The following CACNA2D4 variants were observed in gnomAD, a reference collection of about 807,000 sequenced individuals.
The protein encoded by CACNA2D4 is voltage-dependent calcium channel subunit alpha-2/delta-4.
In CACNA2D4, 157 loss-of-function variants were observed where a neutral mutation model predicts 163.8. The observed-to-expected ratio is 0.96, with a 90% confidence interval of 0.84 to 1.09. The LOEUF (loss-of-function observed/expected upper bound fraction) is 1.09, where lower values mean the gene tolerates loss of function less well. Among genes scored for constraint, CACNA2D4 ranks in the 50% least tolerant of loss-of-function variants. The probability of loss-of-function intolerance (pLI) is 0.00; values close to 1 mark genes in which losing one functional copy is unlikely to be tolerated. For synonymous variants in CACNA2D4, 598 were observed against 586.9 expected (o/e 1.02, Z -0.27); for missense variants, 1,410 against 1,479.9 (o/e 0.95, Z 0.78).
At position 1,869,329 on chromosome 12, in the gene CACNA2D4, C is replaced by G. The variant is rs1020523036; in HGVS notation, c.1878+5275G>C. Among the ~76,000 whole-genome samples, 42 of 152,346 alleles carry G rather than the reference C, an allele frequency of 2.8e-4. No individual in the cohort carries two copies. Among genetic ancestry groups the G allele is most frequent in the African/African-American group, 1.0e-3 (42 of 41,574 alleles). On this transcript the variant is annotated intron_variant, in intron 18 of 37. Coordinates refer to ENST00000382722, the MANE Select transcript of CACNA2D4 (RefSeq NM_172364.5). This position sits in a 1 kb window ranked among gnomAD's most constrained non-coding sequence, Gnocchi z 4.7. Reference sequence around the variant, plus strand: ...GAATACCAGGCTCTGCCACTCTTTGCTGTAACCTACCGTCGTGCTTTCTAG... The same window carrying G: ...GAATACCAGGCTCTGCCACTCTTTGGTGTAACCTACCGTCGTGCTTTCTAG...
chr12:1,840,736 T>G lies in CACNA2D4; in HGVS notation c.2551+3A>C, dbSNP rs901267419. The G allele has an allele frequency of 6.2e-7, 1 of 1,613,394 alleles. No individual in the cohort carries two copies. Among genetic ancestry groups the G allele is most frequent in the Non-Finnish European group, 8.5e-7 (1 of 1,179,446 alleles). ...GCCTCAACACCACAAGGGCCGTTCCTACCTGCAGCAATGGCTGTCCTCTTG... is the reference window on the plus strand; with the variant it reads ...GCCTCAACACCACAAGGGCCGTTCCGACCTGCAGCAATGGCTGTCCTCTTG... On this transcript the variant is annotated splice_donor_region_variant and intron_variant, in intron 26 of 37. Coordinates refer to ENST00000382722, the MANE Select transcript of CACNA2D4 (RefSeq NM_172364.5).
intron 22 of CACNA2D4, among the ~76,000 whole-genome samples, chr12:1,855,199 G>A (rs1377865703): frequency 6.6e-6 from 1 of 152,166 alleles, no homozygotes; most frequent in African/African-American, 2.4e-5. Context: ...GATAGCAAGG[G>A]CCTTGTCTGG....
At chr12:1,795,437 T>C in intron 36 of CACNA2D4, 56 bp from the exon 37 acceptor site, 3 of 1,519,178 alleles carry the variant, frequency 2.0e-6, no homozygotes, top group South Asian at 1.2e-5. Context: ...TTCTGCAGAC[T>C]GGAAAAAGGT....
At chr12:1,884,940 C>G (rs376852738) in intron 10 of CACNA2D4, 47 bp downstream of exon 10, 1 of 1,601,594 alleles carries the variant, frequency 6.2e-7, no homozygotes, top group South Asian at 1.1e-5. Flanking sequence ...CTCCACCTGC[C>G]GCCTTCCTCC....
Position 1,883,819 on chromosome 12 carries a change from C to T in CACNA2D4, c.1351+424G>A, listed in dbSNP as rs150855707. On this transcript the variant is annotated intron_variant, in intron 12 of 37. Coordinates refer to ENST00000382722, the MANE Select transcript of CACNA2D4 (RefSeq NM_172364.5). The surrounding 1 kb of genome is among the most constrained non-coding windows in gnomAD (Gnocchi z 4.5). The stretch of plus-strand genomic sequence containing the variant: ...GGACAATACTGAGAGGTAGACCGAC[C>T]CTGAGTCCATCCTGATCCCTCTTGG... 5.3e-5 allele frequency among the ~76,000 whole-genome samples: 8 copies of T among 152,270 alleles called. No homozygotes were observed. The highest frequency in any genetic ancestry group is 1.9e-4 in the African/African-American group (8 of 41,536).
rs956371759 is a variant in CACNA2D4, at chr12:1,793,579, T to A, written c.*76A>T. 1.5e-5 allele frequency: 20 copies of A among 1,317,674 alleles called. No individual in the cohort carries two copies. Among genetic ancestry groups the A allele is most frequent in the Non-Finnish European group, 2.1e-5 (19 of 913,268 alleles). 81.6% of individuals were successfully genotyped at this position (1,317,674 alleles called of 1,614,324 possible). A position where few individuals can be genotyped will look rare whatever the true frequency, so the allele number is the denominator to read the frequency against. ...GGCGACCCAACTGCAGTTAGCTGCA[T>A]CCCATGTCAGTGCTGACTTTTTGGG... On this transcript the variant is annotated 3_prime_UTR_variant, in exon 38 of 38. Coordinates refer to ENST00000382722, the MANE Select transcript of CACNA2D4 (RefSeq NM_172364.5).
chr12:1,802,058 T>C lies in CACNA2D4; in HGVS notation c.2722-414A>G, dbSNP rs1247975552. On this transcript the variant is annotated intron_variant, in intron 29 of 37. Transcript: ENST00000382722. This position sits in a 1 kb window ranked among gnomAD's most constrained non-coding sequence, Gnocchi z 4.7. The stretch of plus-strand genomic sequence containing the variant: ...GTGTGTGTGTGTGTGTGTGTGTGTG[T>C]GTTGGGTCAGATATAAAACACGTTT... Among the ~76,000 whole-genome samples, 2 of 136,636 alleles carry C rather than the reference T, an allele frequency of 1.5e-5. No homozygotes were observed. Among genetic ancestry groups the C allele is most frequent in the African/African-American group, 5.7e-5 (2 of 34,904 alleles). The allele number at this position is 136,636 out of a possible 152,430, so 89.6% of individuals were successfully genotyped here. A position where few individuals can be genotyped will look rare whatever the true frequency, so the allele number is the denominator to read the frequency against.
intron 26 of CACNA2D4, among the ~76,000 whole-genome samples, chr12:1,815,006 C>T (rs139163869): frequency 0.056 from 8,473 of 152,300 alleles, 346 homozygotes; most frequent in Non-Finnish European, 0.089. Context: ...TCTCCTGCCT[C>T]GGCCTCCCTA....
chr12:1,823,954 G>C (rs531520829), intron 26 of CACNA2D4, among the ~76,000 whole-genome samples: 1 of 152,206 alleles, frequency 6.6e-6, no homozygotes, highest in Non-Finnish European at 1.5e-5. Flanking sequence ...CAGAGAGCTC[G>C]GGCTCAGAGC....
chr12:1,800,302 C>T, intron 32 of CACNA2D4, 84 bp downstream of exon 32: 1 of 1,455,914 alleles, frequency 6.9e-7, no homozygotes, highest in Non-Finnish European at 9.6e-7. Flanking sequence ...GTCCTGGAGA[C>T]CTTGCAGCCT....
intron 6 of CACNA2D4, among the ~76,000 whole-genome samples, chr12:1,897,845 C>T (rs1365175025): frequency 6.6e-6 from 1 of 151,962 alleles, no homozygotes; most frequent in Non-Finnish European, 1.5e-5. Flanking sequence ...AAAATTTAAG[C>T]AATACAGTTA....
At chr12:1,899,252 A>T (rs919517993) in intron 6 of CACNA2D4, among the ~76,000 whole-genome samples, 1 of 152,090 alleles carries the variant, frequency 6.6e-6, no homozygotes, top group Admixed American at 6.6e-5. Context: ...TATGTGTCTC[A>T]TTTAAGAAGT....
intron 22 of CACNA2D4, among the ~76,000 whole-genome samples, chr12:1,854,681 T>C (rs1865362547): frequency 6.6e-6 from 1 of 152,134 alleles, no homozygotes; most frequent in African/African-American, 2.4e-5. Context: ...GCTGGCATTA[T>C]AGGCATGAGC....
At chr12:1,811,545 G>A in intron 27 of CACNA2D4, 117 bp downstream of exon 27, 5 of 1,051,458 alleles carry the variant, frequency 4.8e-6, no homozygotes, top group South Asian at 2.7e-5. Context: ...GTAGGGGCCG[G>A]GAGGGCATCC....
chr12:1,896,289 G>T (rs1866398122), intron 6 of CACNA2D4, among the ~76,000 whole-genome samples: 1 of 152,138 alleles, frequency 6.6e-6, no homozygotes, highest in African/African-American at 2.4e-5. Context: ...AATCTAAAAT[G>T]AGGAGACAGC....
chr12:1,914,158 C>T (rs930247942), intron 2 of CACNA2D4, among the ~76,000 whole-genome samples: 2 of 152,144 alleles, frequency 1.3e-5, no homozygotes, highest in Non-Finnish European at 2.9e-5. Context: ...GCCTGGGATT[C>T]AGGATCTTTG....
At chr12:1,901,319 TTAG>T (rs1200197195) in intron 6 of CACNA2D4, among the ~76,000 whole-genome samples, 3 of 151,350 alleles carry the variant, frequency 2.0e-5, no homozygotes, top group Non-Finnish European at 4.4e-5. Flanking sequence ...AAACCAAAAG[TTAG>T]TAGAAGAAAA....
chr12:1,814,552 G>A (rs1038075356), intron 26 of CACNA2D4, among the ~76,000 whole-genome samples: 1 of 152,196 alleles, frequency 6.6e-6, no homozygotes, highest in African/African-American at 2.4e-5. Flanking sequence ...TTTGAACTTA[G>A]CGTGTTCTCC....
In CACNA2D4 at chr12:1,844,542, A is replaced by C; in HGVS notation, c.2343-13T>G. On this transcript the variant is annotated splice_polypyrimidine_tract_variant and intron_variant, in intron 24 of 37. Coordinates refer to ENST00000382722, the MANE Select transcript of CACNA2D4 (RefSeq NM_172364.5). This position sits in a 1 kb window ranked among gnomAD's most constrained non-coding sequence, Gnocchi z 4.2. ...TGTCAGGAACTTCCTGCAAGGAGGA[A>C]GATGTGGTACCTCTCCCCAGATCTG... 2.5e-6 allele frequency: 4 copies of C among 1,611,368 alleles called. No homozygotes were observed. Among genetic ancestry groups the C allele is most frequent in the Non-Finnish European group, 3.4e-6 (4 of 1,178,520 alleles).
Sources: allele counts gnomAD v4.1 joint callset (sites outside exome capture counted in the v4.1 genomes callset), GRCh38; gene constraint gnomAD v4.1.1; non-coding constraint Gnocchi (gnomAD v3.1); transcripts MANE v1.5; gene names NCBI Gene and HGNC (gene_info 2026-07-23, HGNC 2026-07-21).